The following OR2A5 variants were observed in gnomAD, a reference collection of about 807,000 sequenced individuals.
The protein encoded by OR2A5 is olfactory receptor family 2 subfamily A member 5.
Under a neutral mutation model 1.9 loss-of-function variants are expected in OR2A5, and 2 were observed. That is an observed-to-expected ratio of 1.04 (90% confidence interval 0.43 to 3.28). The LOEUF is 3.28. Among genes scored for constraint, OR2A5 ranks in the 30% most tolerant of loss-of-function variants. The pLI, the probability that OR2A5 is intolerant of heterozygous loss-of-function variation, is 0.08. For synonymous variants in OR2A5, 160 were observed against 154.5 expected (o/e 1.04, Z -0.26); for missense variants, 391 against 375.9 (o/e 1.04, Z -0.33).
rs2050942408 is a variant in OR2A5, at chr7:144,056,809, C to CTTG, written c.*5475_*5477dup. 9.4e-6 allele frequency: 1 copy of CTTG among 106,656 alleles called. No homozygotes were observed. Among genetic ancestry groups the CTTG allele is most frequent in the South Asian group, 3.1e-4 (1 of 3,260 alleles). 6.6% of individuals were successfully genotyped at this position (106,656 alleles called of 1,614,324 possible). On this transcript the variant is annotated 3_prime_UTR_variant, in exon 2 of 2. Transcript: ENST00000641693. ...GCATTCCCTGAAATAAGGACTAACT[C>CTTG]TTGTTTTTTTTTTTTTTTTTTTTGA...
chr7:144,055,016 A>G lies in OR2A5; in HGVS notation c.*3679A>G, dbSNP rs946588428. On this transcript the variant is annotated 3_prime_UTR_variant, in exon 2 of 2. Transcript: ENST00000641693. ...CCCTGGATACTAATCATATTAGGAA[A>G]GAAATATATAGATGAGCAAATAAAT... The G allele has an allele frequency of 3.3e-5, 5 of 152,214 alleles. No individual in the cohort carries two copies. The highest frequency in any genetic ancestry group is 1.2e-4 in the African/African-American group (5 of 41,440). The allele number at this position is 152,214 out of a possible 1,614,324, so 9.4% of individuals were successfully genotyped here.
Position 144,056,598 on chromosome 7 carries a change from TG to T in OR2A5, c.*5262del, listed in dbSNP as rs1291128510. 9 of 152,194 alleles carry T rather than the reference TG, an allele frequency of 5.9e-5. No homozygotes were observed. The highest frequency in any genetic ancestry group is 2.2e-4 in the African/African-American group (9 of 41,454). The allele number at this position is 152,194 out of a possible 1,614,324, so 9.4% of individuals were successfully genotyped here. A position where few individuals can be genotyped will look rare whatever the true frequency, so the allele number is the denominator to read the frequency against. On this transcript the variant is annotated 3_prime_UTR_variant, in exon 2 of 2. Transcript: ENST00000641693. ...AACTGGAAAATAAATTCACTTCTGA[TG>T]ATGTCCCTTGTGCATGTTCAGGAAT...
rs1261302232 is a variant in OR2A5 at position 144,050,723 on chromosome 7, G to C, written c.322G>C (p.Ala108Pro). The change falls in exon 2 of 2, where the codon GCT (alanine) becomes CCT (proline). Residue 108 changes from alanine (A) to proline (P), a missense_variant. Coordinates refer to ENST00000641693, the MANE Select transcript of OR2A5 (RefSeq NM_012365.2). ...TMQTFLYMAF[A>P]HTECLILVMM... ...GCAGACCTTTTTATACATGGCTTTT[G>C]CTCACACTGAGTGTCTCATCTTGGT... is the stretch of plus-strand genomic sequence containing the variant. 2 of 1,613,890 alleles carry C rather than the reference G, an allele frequency of 1.2e-6. No homozygotes were observed. The highest frequency in any genetic ancestry group is 2.2e-5 in the South Asian group (2 of 91,076).
At position 144,053,757 on chromosome 7, in the gene OR2A5, T is replaced by A. The variant is rs2050920793; in HGVS notation, c.*2420T>A. 1 of 152,220 alleles carries A rather than the reference T, an allele frequency of 6.6e-6. No homozygotes were observed. Among genetic ancestry groups the A allele is most frequent in the African/African-American group, 2.4e-5 (1 of 41,452 alleles). The allele number at this position is 152,220 out of a possible 1,614,324, so 9.4% of individuals were successfully genotyped here. A position where few individuals can be genotyped will look rare whatever the true frequency, so the allele number is the denominator to read the frequency against. ...GTTTACAGTATTATAGCCAAAGTCT[T>A]AACACCAGAAAGAATACATCCTGTA... is the stretch of plus-strand genomic sequence containing the variant. On this transcript the variant is annotated 3_prime_UTR_variant, in exon 2 of 2. Coordinates refer to ENST00000641693, the MANE Select transcript of OR2A5 (RefSeq NM_012365.2).
chr7:144,049,608 G>T (rs1023198113), intron 1 of OR2A5, among the ~76,000 whole-genome samples: 1 of 152,208 alleles, frequency 6.6e-6, no homozygotes, highest in Non-Finnish European at 1.5e-5. Context: ...AAGGGGTGGG[G>T]TGAAGGCAGG....
chr7:144,050,519 G>T lies in OR2A5; in HGVS notation c.118G>T (p.Gly40Ter), dbSNP rs1362956971. Residue 40 changes from glycine (G) to a stop codon, truncating the protein, a stop_gained, in exon 2 of 2, where the codon GGA becomes TGA. Transcript: ENST00000641693. LOFTEE classifies it low-confidence loss of function (END_TRUNC). ...CCTGTTATACGTCTTCACCCTGCTGGGAAATGGGGCCATCCTGGGGCTCAT... is the reference window on the plus strand; with the variant it reads ...CCTGTTATACGTCTTCACCCTGCTGTGAAATGGGGCCATCCTGGGGCTCAT... Reference protein sequence around the residue: ...FSLLYVFTLLGNGAILGLIWL... With the variant: ...FSLLYVFTLL 5 of 1,608,152 alleles carry T rather than the reference G, an allele frequency of 3.1e-6. No homozygotes were observed. Among genetic ancestry groups the T allele is most frequent in the Non-Finnish European group, 4.2e-6 (5 of 1,176,978 alleles).
Position 144,051,977 on chromosome 7 carries a change from TAGAA to T in OR2A5, c.*644_*647del, listed in dbSNP as rs1328186167. On this transcript the variant is annotated 3_prime_UTR_variant, in exon 2 of 2. Transcript: ENST00000641693. Reference sequence around the variant, plus strand: ...TTCACTTAATTCTGCACCATTTAATTAGAAAGAGTTTGGAAAGATTTTGCATTTA... The same window carrying T: ...TTCACTTAATTCTGCACCATTTAATTAGAGTTTGGAAAGATTTTGCATTTA... 6.6e-6 allele frequency: 1 copy of T among 152,186 alleles called. No individual in the cohort carries two copies. The highest frequency in any genetic ancestry group is 2.4e-5 in the African/African-American group (1 of 41,430). 9.4% of individuals were successfully genotyped at this position (152,186 alleles called of 1,614,324 possible). A position where few individuals can be genotyped will look rare whatever the true frequency, so the allele number is the denominator to read the frequency against.
rs1300192058 is a variant in OR2A5, at chr7:144,051,091, TG to T, written c.694del (p.Glu232ArgfsTer54). The T allele has an allele frequency of 6.2e-7, 1 of 1,614,084 alleles. No homozygotes were observed. Among genetic ancestry groups the T allele is most frequent in the African/African-American group, 1.3e-5 (1 of 74,958 alleles). On this transcript the variant is annotated frameshift_variant, in exon 2 of 2. Transcript: ENST00000641693. LOFTEE classifies it high-confidence loss of function. ...ILAAILRIQSGEGRRKAFSTC... is the reference protein window; with the variant it reads ...ILAAILRIQSXEGRRKAFSTC... ...TGGCGGCCATCTTGAGGATCCAGTC[TG>T]GGGAGGGCCGCAGAAAGGCCTTCTC...
At position 144,050,567 on chromosome 7, in the gene OR2A5, A is replaced by G. The variant is rs2050893322; in HGVS notation, c.166A>G (p.Thr56Ala). The G allele has an allele frequency of 6.2e-7, 1 of 1,609,556 alleles. No homozygotes were observed. Among genetic ancestry groups the G allele is most frequent in the Non-Finnish European group, 8.5e-7 (1 of 1,177,692 alleles). ...CATCTGGCTGGACTCCAGACTGCAC[A>G]CCCCCATGTACTTCTTTCTCTCACA... The part of the protein sequence containing the change: ...GLIWLDSRLH[T>A]PMYFFLSHLA... The change falls in exon 2 of 2, where the codon ACC (threonine) becomes GCC (alanine). Residue 56 changes from threonine to alanine, a missense_variant. Coordinates refer to ENST00000641693, the MANE Select transcript of OR2A5 (RefSeq NM_012365.2).
chr7:144,055,620 T>G lies in OR2A5; in HGVS notation c.*4283T>G, dbSNP rs1241316517. On this transcript the variant is annotated 3_prime_UTR_variant, in exon 2 of 2. Transcript: ENST00000641693. ...GTAGGAAAAAATTGTTGTATAAGCT[T>G]CATACTTGTGGTTCTCATACTTTTA... is the stretch of plus-strand genomic sequence containing the variant. The G allele has an allele frequency of 4.6e-5, 7 of 152,222 alleles. No homozygotes were observed. Among genetic ancestry groups the G allele is most frequent in the Admixed American group, 4.6e-4 (7 of 15,280 alleles). 9.4% of individuals were successfully genotyped at this position (152,222 alleles called of 1,614,324 possible). A position where few individuals can be genotyped will look rare whatever the true frequency, so the allele number is the denominator to read the frequency against.
At position 144,052,030 on chromosome 7, in the gene OR2A5, T is replaced by G. The variant is rs1481775257; in HGVS notation, c.*693T>G. 9.9e-5 allele frequency: 15 copies of G among 152,202 alleles called. No individual in the cohort carries two copies. Among genetic ancestry groups the G allele is most frequent in the Admixed American group, 9.8e-4 (15 of 15,284 alleles). 9.4% of individuals were successfully genotyped at this position (152,202 alleles called of 1,614,324 possible). On this transcript the variant is annotated 3_prime_UTR_variant, in exon 2 of 2. Transcript: ENST00000641693. ...TAAAATAAATATGAGAGAATGTTAT[T>G]AGGGATAGTTACCTTTTTCATAATT...
In OR2A5 at chr7:144,051,190, G is replaced by T. The variant is rs562648381; in HGVS notation, c.789G>T (p.Lys263Asn). The change falls in exon 2 of 2, where the codon AAG (lysine) becomes AAT (asparagine). Residue 263 changes from lysine to asparagine, a missense_variant. Transcript: ENST00000641693. ...GSAIVMYMAPKSRHPEEQQKV... is the reference protein window; with the variant it reads ...GSAIVMYMAPNSRHPEEQQKV... Reference sequence around the variant, plus strand: ...CCATTGTCATGTACATGGCCCCCAAGTCCCGCCACCCTGAGGAGCAGCAGA... The same window carrying T: ...CCATTGTCATGTACATGGCCCCCAATTCCCGCCACCCTGAGGAGCAGCAGA... 6.2e-7 allele frequency: 1 copy of T among 1,614,070 alleles called. No individual in the cohort carries two copies. Among genetic ancestry groups the T allele is most frequent in the East Asian group, 2.2e-5 (1 of 44,896 alleles).
Position 144,051,142 on chromosome 7 carries a change from G to C in OR2A5, c.741G>C (p.Met247Ile), listed in dbSNP as rs199930466. Residue 247 changes from methionine to isoleucine, a missense_variant, in exon 2 of 2, where the codon ATG becomes ATC. By Grantham distance (10) the Met-to-Ile change is conservative. Transcript: ENST00000641693. ...CCACCTGCTCCTCCCACCTTTGCATGGTGGGACTCTTCTTTGGCAGCGCCA... is the reference window on the plus strand; with the variant it reads ...CCACCTGCTCCTCCCACCTTTGCATCGTGGGACTCTTCTTTGGCAGCGCCA... ...AFSTCSSHLC[M>I]VGLFFGSAIV... The C allele has an allele frequency of 1.8e-5, 29 of 1,614,190 alleles. No homozygotes were observed. The highest frequency in any genetic ancestry group is 2.3e-5 in the Non-Finnish European group (27 of 1,180,036).
rs1246683362 is a variant in OR2A5 at position 144,055,393 on chromosome 7, T to A, written c.*4056T>A. On this transcript the variant is annotated 3_prime_UTR_variant, in exon 2 of 2. Coordinates refer to ENST00000641693, the MANE Select transcript of OR2A5 (RefSeq NM_012365.2). ...GGCATTTGCAATAGAGTCTTTCCAA[T>A]GTCTCTTCAATCTTGAAAATTTAAG... 6.6e-6 allele frequency: 1 copy of A among 152,218 alleles called. No homozygotes were observed. Among genetic ancestry groups the A allele is most frequent in the African/African-American group, 2.4e-5 (1 of 41,452 alleles). 9.4% of individuals were successfully genotyped at this position (152,218 alleles called of 1,614,324 possible).
Position 144,051,304 on chromosome 7 carries a change from G to A in OR2A5, c.903G>A (p.Leu301=). 1 of 1,611,836 alleles carries A rather than the reference G, an allele frequency of 6.2e-7. No homozygotes were observed. Among genetic ancestry groups the A allele is most frequent in the Non-Finnish European group, 8.5e-7 (1 of 1,178,790 alleles). Residue 301 remains leucine, a synonymous_variant, in exon 2 of 2, where the codon CTG becomes CTA. Transcript: ENST00000641693. The part of the protein sequence containing the change: ...SLRNAEVKGA[L]KRVLWKQRSK Reference sequence around the variant, plus strand: ...GGAACGCAGAGGTCAAGGGTGCCCTGAAAAGAGTGTTGTGGAAACAGAGAT... The same window carrying A: ...GGAACGCAGAGGTCAAGGGTGCCCTAAAAAGAGTGTTGTGGAAACAGAGAT...
rs1029295536 is a variant in OR2A5, at chr7:144,057,777, G to A, written c.*6440G>A. On this transcript the variant is annotated 3_prime_UTR_variant, in exon 2 of 2. Coordinates refer to ENST00000641693, the MANE Select transcript of OR2A5 (RefSeq NM_012365.2). ...GAATAAAAGTATATAGGGTACATGC[G>A]AAGCATACGAGTTGATAAAGAATAA... 5.9e-5 allele frequency: 9 copies of A among 152,134 alleles called. No homozygotes were observed. The highest frequency in any genetic ancestry group is 3.9e-4 in the East Asian group (2 of 5,184). 9.4% of individuals were successfully genotyped at this position (152,134 alleles called of 1,614,324 possible). A position where few individuals can be genotyped will look rare whatever the true frequency, so the allele number is the denominator to read the frequency against.
chr7:144,055,841 G>C lies in OR2A5; in HGVS notation c.*4504G>C, dbSNP rs1490120653. On this transcript the variant is annotated 3_prime_UTR_variant, in exon 2 of 2. Coordinates refer to ENST00000641693, the MANE Select transcript of OR2A5 (RefSeq NM_012365.2). ...GAGCCCCGTAGTTTGAGGCTGCAGT[G>C]AGCTATGACCATGCTACTGCATTCC... is the stretch of plus-strand genomic sequence containing the variant. 6.6e-6 allele frequency: 1 copy of C among 152,282 alleles called. No individual in the cohort carries two copies. Among genetic ancestry groups the C allele is most frequent in the East Asian group, 1.9e-4 (1 of 5,186 alleles). 9.4% of individuals were successfully genotyped at this position (152,282 alleles called of 1,614,324 possible).
rs2050936515 is a variant in OR2A5 at position 144,055,949 on chromosome 7, T to G, written c.*4612T>G. On this transcript the variant is annotated 3_prime_UTR_variant, in exon 2 of 2. Transcript: ENST00000641693. ...AAAACCCCACAGAGCAGTGACAGAT[T>G]AAACCACAAGGAGAGGAAATGAAAA... The G allele has an allele frequency of 6.6e-6, 1 of 152,124 alleles. No homozygotes were observed. The highest frequency in any genetic ancestry group is 2.4e-5 in the African/African-American group (1 of 41,364). 9.4% of individuals were successfully genotyped at this position (152,124 alleles called of 1,614,324 possible). A position where few individuals can be genotyped will look rare whatever the true frequency, so the allele number is the denominator to read the frequency against.
rs1201637086 is a variant in OR2A5, at chr7:144,053,049, A to C, written c.*1712A>C. 6.6e-6 allele frequency: 1 copy of C among 152,166 alleles called. No individual in the cohort carries two copies. The highest frequency in any genetic ancestry group is 1.5e-5 in the Non-Finnish European group (1 of 68,022). The allele number at this position is 152,166 out of a possible 1,614,324, so 9.4% of individuals were successfully genotyped here. On this transcript the variant is annotated 3_prime_UTR_variant, in exon 2 of 2. Coordinates refer to ENST00000641693, the MANE Select transcript of OR2A5 (RefSeq NM_012365.2). ...ATCTCATATAAAACATAAGCAATAG[A>C]TTTGGATTCAGAATTTTTTTACCTA... is the stretch of plus-strand genomic sequence containing the variant.
Sources: allele counts gnomAD v4.1 joint callset (sites outside exome capture counted in the v4.1 genomes callset), GRCh38; gene constraint gnomAD v4.1.1; transcripts MANE v1.5; gene names NCBI Gene and HGNC (gene_info 2026-07-23, HGNC 2026-07-21).